The following DNAH7 variants were observed in gnomAD, a reference collection of about 807,000 sequenced individuals.
DNAH7 encodes axonemal beta dynein heavy chain 7.
Under a neutral mutation model 444.6 loss-of-function variants are expected in DNAH7, and 397 were observed. The ratio of observed to expected loss-of-function variants is 0.89; its 90% CI spans 0.82 to 0.97. The LOEUF (loss-of-function observed/expected upper bound fraction) is 0.97. Ranked by LOEUF, DNAH7 falls within the 50% of genes least tolerant of loss-of-function variation. The probability of loss-of-function intolerance (pLI) is 0.00; values close to 1 mark genes in which losing one functional copy is unlikely to be tolerated. For missense variants in DNAH7, 4,902 were observed against 4,800.8 expected, an observed-to-expected ratio of 1.02 and a Z score of -0.62; for synonymous variants, 1,636 against 1,624.4, an observed-to-expected ratio of 1.01 and a Z score of -0.17.
intron 47 of DNAH7, among the ~76,000 whole-genome samples, chr2:195,844,729 CCTTA>C (rs1039333735): frequency 6.6e-6 from 1 of 152,018 alleles, no homozygotes; most frequent in African/African-American, 2.4e-5. Flanking sequence ...TTTGGACTTC[CCTTA>C]CTTAAGGCAG....
chr2:196,058,869 TCAAA>T (rs1410760626), intron 1 of DNAH7, among the ~76,000 whole-genome samples: 4 of 152,248 alleles, frequency 2.6e-5, no homozygotes, highest in East Asian at 3.9e-4. Flanking sequence ...TCAAGAAGAA[TCAAA>T]CAATCTTGAA....
At chr2:195,989,504 T>G (rs1693156834) in intron 12 of DNAH7, among the ~76,000 whole-genome samples, 1 of 152,236 alleles carries the variant, frequency 6.6e-6, no homozygotes, top group Admixed American at 6.5e-5. Flanking sequence ...GATAAATGTC[T>G]TGTCAGGTTT....
intron 37 of DNAH7, 27 bp from the exon 38 acceptor site, chr2:195,875,870 G>T: frequency 6.3e-7 from 1 of 1,575,832 alleles, no homozygotes; most frequent in Non-Finnish European, 8.6e-7. Context: ...AAGAGGTACA[G>T]AAAATATTAA....
chr2:195,739,298 A>C (rs536839908), intron 64 of DNAH7, among the ~76,000 whole-genome samples: 1 of 152,290 alleles, frequency 6.6e-6, no homozygotes, highest in African/African-American at 2.4e-5. Context: ...GCTTTCTCGC[A>C]ATTGGCTGTC....
chr2:195,978,353 T>C (rs965148270), intron 15 of DNAH7, among the ~76,000 whole-genome samples: 23 of 152,104 alleles, frequency 1.5e-4, no homozygotes, highest in African/African-American at 5.6e-4. Context: ...AATTATAAGA[T>C]ATTATTTGCA....
At chr2:196,044,323 A>C (rs1696965655) in intron 5 of DNAH7, among the ~76,000 whole-genome samples, 1 of 152,014 alleles carries the variant, frequency 6.6e-6, no homozygotes, top group African/African-American at 2.4e-5. Context: ...CCATTATTCT[A>C]AGTGAAGTAA....
chr2:196,004,028 T>C (rs529219006), intron 10 of DNAH7, among the ~76,000 whole-genome samples: 1 of 152,358 alleles, frequency 6.6e-6, no homozygotes, highest in South Asian at 2.1e-4. Flanking sequence ...TTCTGTTTTA[T>C]TTAACATGAC....
chr2:195,800,440 C>T (rs1574459342), intron 54 of DNAH7, among the ~76,000 whole-genome samples: 1 of 152,118 alleles, frequency 6.6e-6, no homozygotes, highest in East Asian at 1.9e-4. Context: ...TATTTCAATA[C>T]TCTAACATGA....
At chr2:195,879,308 A>G (rs1701235499) in intron 36 of DNAH7, among the ~76,000 whole-genome samples, 1 of 152,190 alleles carries the variant, frequency 6.6e-6, no homozygotes. Flanking sequence ...AATGAAAACA[A>G]AAAGAAAGCA....
intron 21 of DNAH7, among the ~76,000 whole-genome samples, chr2:195,931,999 T>C (rs903068622): frequency 1.3e-5 from 2 of 152,212 alleles, no homozygotes; most frequent in Non-Finnish European, 2.9e-5. Context: ...ATTGAATCTA[T>C]AAATTACCTT....
chr2:195,799,242 G>A (rs1243698915), intron 55 of DNAH7, 54 bp downstream of exon 55: 11 of 1,370,610 alleles, frequency 8.0e-6, no homozygotes, highest in Middle Eastern at 1.9e-4. Context: ...TCAATTATAA[G>A]CAAGTATTGC....
At position 195,922,085 on chromosome 2, in the gene DNAH7, T is replaced by C; in HGVS notation, c.3935+3A>G. 1 of 1,535,960 alleles carries C rather than the reference T, an allele frequency of 6.5e-7. No homozygotes were observed. The highest frequency in any genetic ancestry group is 2.2e-5 in the East Asian group (1 of 44,474). ...CAATAGATCCTTAAATTAAAGGGTT[T>C]ACCTGTAACATCTATCCGTGAGTGG... On this transcript the variant is annotated splice_donor_region_variant and intron_variant, in intron 24 of 64. Coordinates refer to ENST00000312428, the MANE Select transcript of DNAH7 (RefSeq NM_018897.3).
intron 24 of DNAH7, among the ~76,000 whole-genome samples, chr2:195,921,788 G>A (rs766402366): frequency 4.6e-5 from 7 of 152,020 alleles, no homozygotes; most frequent in Non-Finnish European, 8.8e-5. Flanking sequence ...TGTTTCAAGG[G>A]AACAATAAAA....
chr2:195,998,449 C>CT (rs1380416361), intron 12 of DNAH7, among the ~76,000 whole-genome samples: 3 of 151,680 alleles, frequency 2.0e-5, no homozygotes, highest in Admixed American at 1.3e-4. Context: ...TGGCGGGTGC[C>CT]TGTAGTCCCA....
At chr2:195,821,167 A>C (rs980496937) in intron 49 of DNAH7, among the ~76,000 whole-genome samples, 1 of 151,838 alleles carries the variant, frequency 6.6e-6, no homozygotes, top group Non-Finnish European at 1.5e-5. Context: ...GGTTAAAAAA[A>C]AAAAAAAGAA....
At chr2:195,873,833 A>C (rs1700864203) in intron 38 of DNAH7, 139 bp from the exon 39 acceptor site, 1 of 547,590 alleles carries the variant, frequency 1.8e-6, no homozygotes, top group Non-Finnish European at 2.8e-6. Context: ...AATTGTTTGG[A>C]TAACCCTGAC....
At chr2:195,861,604 A>G (rs1700019917) in intron 42 of DNAH7, 113 bp downstream of exon 42, 2 of 771,082 alleles carry the variant, frequency 2.6e-6, no homozygotes, top group Non-Finnish European at 4.1e-6. Context: ...ATGTAACAAA[A>G]CTTACAGTAT....
At chr2:195,971,222 G>A (rs1332966417) in intron 16 of DNAH7, among the ~76,000 whole-genome samples, 2 of 152,120 alleles carry the variant, frequency 1.3e-5, no homozygotes, top group Non-Finnish European at 1.5e-5. Flanking sequence ...CATCTGTACT[G>A]GCTGACCTAG....
intron 24 of DNAH7, among the ~76,000 whole-genome samples, chr2:195,920,400 C>A (rs1170821491): frequency 1.3e-5 from 2 of 152,028 alleles, no homozygotes; most frequent in South Asian, 2.1e-4. Context: ...AAACAGAGAA[C>A]CCAGAAATAA....
Sources: gnomAD v4.1 joint callset for allele counts (sites outside exome capture counted in the v4.1 genomes callset) on GRCh38, gnomAD v4.1.1 for gene constraint, MANE v1.5 for transcripts, NCBI Gene and HGNC (gene_info 2026-07-23, HGNC 2026-07-21) for gene names.